CTNNA3: variants seen among roughly 807,000 people sequenced by gnomAD.
The protein encoded by CTNNA3 is catenin alpha 3.
In CTNNA3, 76 loss-of-function variants were observed where a neutral mutation model predicts 95.7. The observed-to-expected ratio is 0.79, with a 90% CI of 0.66 to 0.96. CTNNA3 has a LOEUF of 0.96. Ranked by LOEUF, CTNNA3 falls within the 40% of genes least tolerant of loss-of-function variation. CTNNA3 has a pLI of 0.00. For missense variants in CTNNA3, 1,191 were observed against 1,089.8 expected (o/e 1.09, Z -1.31); for synonymous variants, 431 against 374.4 (o/e 1.15, Z -1.74).
chr10:66,595,331 TTTA>T (rs138690387), intron 10 of CTNNA3, among the ~76,000 whole-genome samples: 34,557 of 148,996 alleles, frequency 0.23, 5,322 homozygotes, highest in African/African-American at 0.44. Context: ...ATTGATCTTA[TTTA>T]TTATTATTAT....
Position 66,520,245 on chromosome 10 carries a change from CTTTTTT to C in CTNNA3, c.1531+366_1531+371del, listed in dbSNP as rs543882241. 4.6e-4 allele frequency among the ~76,000 whole-genome samples: 36 copies of C among 78,068 alleles called. 1 individual carries two copies. In the South Asian group the frequency reaches 0.016, roughly 34 times the overall value. 51.2% of individuals were successfully genotyped at this position (78,068 alleles called of 152,430 possible). A position where few individuals can be genotyped will look rare whatever the true frequency, so the allele number is the denominator to read the frequency against. ...AAAATTAATCTTATTTAGTATTATT[CTTTTTT>C]TTTTTTTTTTTTTTTTTTGAGATAG... On this transcript the variant is annotated intron_variant, in intron 11 of 17. Coordinates refer to ENST00000433211, the MANE Select transcript of CTNNA3 (RefSeq NM_013266.4).
At chr10:66,731,723 T>C (rs898083653) in intron 9 of CTNNA3, among the ~76,000 whole-genome samples, 5 of 152,244 alleles carry the variant, frequency 3.3e-5, no homozygotes, top group Non-Finnish European at 7.3e-5. Context: ...CATGGTGTAT[T>C]GCACATGCTT....
At position 66,685,778 on chromosome 10, in the gene CTNNA3, G is replaced by T. The variant is rs549127540; in HGVS notation, c.1282-63994C>A. Reference sequence around the variant, plus strand: ...GGCTTCTCTCTTTACCAGAATTAAAGTGTGGGGTCCTGGAAGAAGCAGAGG... The same window carrying T: ...GGCTTCTCTCTTTACCAGAATTAAATTGTGGGGTCCTGGAAGAAGCAGAGG... On this transcript the variant is annotated intron_variant, in intron 9 of 17. Coordinates refer to ENST00000433211, the MANE Select transcript of CTNNA3 (RefSeq NM_013266.4). 1.9e-3 allele frequency among the ~76,000 whole-genome samples: 293 copies of T among 152,142 alleles called. 1 individual carries two copies. Among genetic ancestry groups the T allele is most frequent in the African/African-American group, 6.8e-3 (282 of 41,490 alleles).
chr10:66,709,281 G>A (rs1287103179), intron 9 of CTNNA3, among the ~76,000 whole-genome samples: 1 of 152,074 alleles, frequency 6.6e-6, no homozygotes, highest in East Asian at 1.9e-4. Context: ...ATGTGGCACA[G>A]GAAAATGAAT....
intron 5 of CTNNA3, among the ~76,000 whole-genome samples, chr10:67,298,380 T>C (rs1429183945): frequency 6.6e-6 from 1 of 152,210 alleles, no homozygotes; most frequent in Non-Finnish European, 1.5e-5. Flanking sequence ...GGTTTAATAA[T>C]CTGTTTTTCA....
intron 12 of CTNNA3, among the ~76,000 whole-genome samples, chr10:66,331,338 G>GCTTGCTTTTTTT (rs1417713676): frequency 0.023 from 886 of 39,050 alleles, 138 homozygotes; most frequent in African/African-American, 0.041. Context: ...TTTCCCCATT[G>GCTTGCTTTTTTT]TTTGTTTTTT....
intron 1 of CTNNA3, among the ~76,000 whole-genome samples, chr10:67,684,870 C>T (rs758757346): frequency 6.6e-6 from 1 of 152,166 alleles, no homozygotes; most frequent in Non-Finnish European, 1.5e-5. Flanking sequence ...TTGCCCAACT[C>T]CAGAGGTTGG....
intron 3 of CTNNA3, among the ~76,000 whole-genome samples, chr10:67,568,879 A>G (rs1009566910): frequency 6.6e-6 from 1 of 152,060 alleles, no homozygotes; most frequent in Non-Finnish European, 1.5e-5. Context: ...ATCTCTTACT[A>G]TGTTGGTGTT....
intron 2 of CTNNA3, among the ~76,000 whole-genome samples, chr10:67,627,180 T>G (rs1838987100): frequency 6.6e-6 from 1 of 152,136 alleles, no homozygotes; most frequent in Non-Finnish European, 1.5e-5. Context: ...TATGGCCCCA[T>G]CCTCCCTGGT....
intron 5 of CTNNA3, among the ~76,000 whole-genome samples, chr10:67,227,411 A>C (rs574035626): frequency 1.3e-5 from 2 of 152,172 alleles, no homozygotes; most frequent in African/African-American, 2.4e-5. Context: ...CTATTCTTAT[A>C]TCAGACAAAA....
chr10:67,694,480 G>C (rs1409051861), intron 1 of CTNNA3, among the ~76,000 whole-genome samples: 5 of 152,040 alleles, frequency 3.3e-5, no homozygotes, highest in African/African-American at 1.2e-4. Context: ...TCTACAGTTA[G>C]AAACAGAGAT....
At chr10:67,044,441 G>A (rs182987624) in intron 7 of CTNNA3, among the ~76,000 whole-genome samples, 187 of 152,002 alleles carry the variant, frequency 1.2e-3, no homozygotes, top group African/African-American at 4.3e-3. Context: ...TTAAGAAGAG[G>A]ACAAAGGGAG....
chr10:66,818,427 A>G (rs4259732), intron 7 of CTNNA3, among the ~76,000 whole-genome samples: 87,444 of 152,078 alleles, frequency 0.57, 25,308 homozygotes, highest in Admixed American at 0.62. Flanking sequence ...GCAAGGTTGC[A>G]GGATGTAAGA....
intron 13 of CTNNA3, among the ~76,000 whole-genome samples, chr10:66,114,684 T>G (rs2082255495): frequency 6.6e-6 from 1 of 151,564 alleles, no homozygotes; most frequent in African/African-American, 2.4e-5. Context: ...ATCGAGACCA[T>G]CCTGGCCACC....
At chr10:67,675,915 T>A (rs1447669202) in intron 1 of CTNNA3, among the ~76,000 whole-genome samples, 1 of 152,042 alleles carries the variant, frequency 6.6e-6, no homozygotes, top group African/African-American at 2.4e-5. Context: ...GTTTTGGGAG[T>A]CTTATTTAAG....
chr10:67,754,115 C>G (rs949739217), intron 1 of CTNNA3, among the ~76,000 whole-genome samples: 1 of 152,104 alleles, frequency 6.6e-6, no homozygotes, highest in Non-Finnish European at 1.5e-5. Flanking sequence ...ACATACACAC[C>G]ATGGAATGCT....
intron 7 of CTNNA3, among the ~76,000 whole-genome samples, chr10:66,779,805 A>T (rs1840458374): frequency 6.6e-6 from 1 of 152,234 alleles, no homozygotes; most frequent in Admixed American, 6.5e-5. Flanking sequence ...TGGTTTAATA[A>T]ATAGGTCAAC....
At chr10:66,378,907 C>T (rs1419935485) in intron 12 of CTNNA3, among the ~76,000 whole-genome samples, 1 of 152,176 alleles carries the variant, frequency 6.6e-6, no homozygotes, top group Non-Finnish European at 1.5e-5. Flanking sequence ...TAAGTGGTTT[C>T]TGACTAAGGC....
chr10:66,258,423 T>C (rs1159412252), intron 13 of CTNNA3, among the ~76,000 whole-genome samples: 7 of 152,172 alleles, frequency 4.6e-5, no homozygotes, highest in Non-Finnish European at 1.0e-4. Context: ...TTTTACAGAA[T>C]ATGTATTCCT....
Sources: allele counts gnomAD v4.1 joint callset (sites outside exome capture counted in the v4.1 genomes callset), GRCh38; gene constraint gnomAD v4.1.1; transcripts MANE v1.5; gene names NCBI Gene and HGNC (gene_info 2026-07-23, HGNC 2026-07-21).